Variants in ZDHHC4 observed in about 807,000 individuals in gnomAD.
ZDHHC4 encodes zDHHC palmitoyltransferase 4, also known as palmitoyltransferase ZDHHC4.
A neutral mutation model predicts 36.7 loss-of-function variants in ZDHHC4; 42 were observed. That is an observed-to-expected ratio of 1.14 (90% confidence interval 0.89 to 1.48). ZDHHC4 has a LOEUF of 1.48. ZDHHC4 is among the 40% of genes most tolerant of loss of function. The probability of loss-of-function intolerance (pLI) is 0.00; values close to 1 mark genes in which losing one functional copy is unlikely to be tolerated. For missense variants in ZDHHC4, 457 were observed against 421.5 expected (o/e 1.08, Z -0.74); for synonymous variants, 189 against 166.6 (o/e 1.13, Z -1.03).
Position 6,588,637 on chromosome 7 carries a change from A to T in ZDHHC4, c.762A>T (p.Pro254=). ...CCTAGTACCTGTTCCTGACTTTTCCACGGATTGTCTTCATGCTGGGCTTTG... is the reference window on the plus strand; with the variant it reads ...CCTAGTACCTGTTCCTGACTTTTCCTCGGATTGTCTTCATGCTGGGCTTTG... The part of the protein sequence containing the change: ...FLIQYLFLTF[P]RIVFMLGFVV... The change falls in exon 8 of 8, where the codon CCA becomes CCT. Residue 254 remains proline (P), a synonymous_variant. Transcript: ENST00000335965. 3 of 1,614,042 alleles carry T rather than the reference A, an allele frequency of 1.9e-6. No individual in the cohort carries two copies. Among genetic ancestry groups the T allele is most frequent in the Non-Finnish European group, 2.5e-6 (3 of 1,179,998 alleles).
In ZDHHC4 at chr7:6,589,253, G is replaced by C. The variant is rs1583399292; in HGVS notation, c.*343G>C. 3.6e-6 allele frequency: 1 copy of C among 276,654 alleles called. No homozygotes were observed. The highest frequency in any genetic ancestry group is 7.8e-5 in the East Asian group (1 of 12,852). The allele number at this position is 276,654 out of a possible 1,614,324, so 17.1% of individuals were successfully genotyped here. On this transcript the variant is annotated 3_prime_UTR_variant, in exon 8 of 8. Transcript: ENST00000335965. Reference sequence around the variant, plus strand: ...GTGTGATGTGCAGGAGGGTCTCATTGACTCAGCGCCTGCGCGTTGTGCCTG... The same window carrying C: ...GTGTGATGTGCAGGAGGGTCTCATTCACTCAGCGCCTGCGCGTTGTGCCTG...
At position 6,585,089 on chromosome 7, in the gene ZDHHC4, C is replaced by G; in HGVS notation, c.570C>G (p.Asn190Lys). 6.2e-7 allele frequency: 1 copy of G among 1,614,176 alleles called. No individual in the cohort carries two copies. Among genetic ancestry groups the G allele is most frequent in the Non-Finnish European group, 8.5e-7 (1 of 1,180,038 alleles). The change falls in exon 7 of 8, where the codon AAC (asparagine) becomes AAG (lysine). Residue 190 changes from asparagine to lysine, a missense_variant. Coordinates refer to ENST00000335965, the MANE Select transcript of ZDHHC4 (RefSeq NM_001134389.2). ...TGAACAACTGCATCGGGGCCTGGAA[C>G]ATCAGGTACTTCCTCATCTACGTCT... ...VWVNNCIGAWNIRYFLIYVLT... is the reference protein window; with the variant it reads ...VWVNNCIGAWKIRYFLIYVLT...
intron 7 of ZDHHC4, among the ~76,000 whole-genome samples, chr7:6,586,002 A>C (rs988046796): frequency 3.3e-5 from 5 of 152,058 alleles, no homozygotes; most frequent in Non-Finnish European, 7.4e-5. Flanking sequence ...AATACAAAAA[A>C]GTTAGCCAGG....
intron 7 of ZDHHC4, among the ~76,000 whole-genome samples, chr7:6,585,893 GTAA>G (rs1219634357): frequency 6.6e-5 from 10 of 151,842 alleles, no homozygotes; most frequent in African/African-American, 2.4e-4. Flanking sequence ...GCTCACAGCT[GTAA>G]TCCCAGCACT....
intron 6 of ZDHHC4, 183 bp downstream of exon 6, chr7:6,583,614 C>T: frequency 2.6e-6 from 2 of 783,156 alleles, no homozygotes; most frequent in South Asian, 2.1e-5. Context: ...TCTTGTGTTC[C>T]TGTGTAGTAG....
chr7:6,582,968 C>T (rs1402513147), intron 5 of ZDHHC4, among the ~76,000 whole-genome samples: 1 of 151,976 alleles, frequency 6.6e-6, no homozygotes, highest in Non-Finnish European at 1.5e-5. Flanking sequence ...GTCCGGAGTT[C>T]CAGACCAGCC....
In ZDHHC4 at chr7:6,582,748, C is replaced by G. The variant is rs529221392; in HGVS notation, c.370+497C>G. 3.9e-5 allele frequency among the ~76,000 whole-genome samples: 6 copies of G among 152,186 alleles called. No homozygotes were observed. The South Asian group carries it at 1.2e-3, about 32-fold the overall frequency. On this transcript the variant is annotated intron_variant, in intron 5 of 7. Coordinates refer to ENST00000335965, the MANE Select transcript of ZDHHC4 (RefSeq NM_001134389.2). ...GTCCAGGCTGGTCTCGAACTCCTGA[C>G]CTCGTGATCCACCCACCTCAGCCTC... is the stretch of plus-strand genomic sequence containing the variant.
rs979777702 is a variant in ZDHHC4 at position 6,585,197 on chromosome 7, C to A, written c.678C>A (p.Tyr226Ter). 2 of 1,614,148 alleles carry A rather than the reference C, an allele frequency of 1.2e-6. No homozygotes were observed. Among genetic ancestry groups the A allele is most frequent in the Non-Finnish European group, 8.5e-7 (1 of 1,180,026 alleles). Residue 226 changes from tyrosine (Y) to a stop codon, truncating the protein, a stop_gained, in exon 7 of 8, where the codon TAC (tyrosine) becomes TAA (stop). Coordinates refer to ENST00000335965, the MANE Select transcript of ZDHHC4 (RefSeq NM_001134389.2). LOFTEE classifies it high-confidence loss of function. ...ACTTGGTGGTGATGTCAGATTTATA[C>A]CAGGAGACTTACATCGATGACCTTG... Reference protein sequence around the residue: ...LVHLVVMSDLYQETYIDDLGH... With the variant: ...LVHLVVMSDL
Position 6,582,175 on chromosome 7 carries a change from G to C in ZDHHC4, c.294G>C (p.Leu98Phe), listed in dbSNP as rs748352823. The change falls in exon 5 of 8, where the codon TTG (leucine) becomes TTC (phenylalanine). Residue 98 changes from leucine to phenylalanine, a missense_variant. Leu to Phe is a conservative substitution (Grantham distance 22, BLOSUM62 0). Coordinates refer to ENST00000335965, the MANE Select transcript of ZDHHC4 (RefSeq NM_001134389.2). ...FGYCQELELS[L>F]HYLLLPYLLL... ...ACTGTCAGGAGCTGGAGTTGTCCTT[G>C]CATTACCTTCTTCTGCCCTATCTGC... 1.2e-6 allele frequency: 2 copies of C among 1,614,168 alleles called. No individual in the cohort carries two copies. The highest frequency in any genetic ancestry group is 1.7e-5 in the Admixed American group (1 of 60,004).
chr7:6,586,580 A>G (rs1464910718), intron 7 of ZDHHC4, among the ~76,000 whole-genome samples: 4 of 152,116 alleles, frequency 2.6e-5, no homozygotes, highest in East Asian at 1.9e-4. Flanking sequence ...GGTTCAAGCA[A>G]TTCTCCTGCC....
chr7:6,583,601 A>T, intron 6 of ZDHHC4, 170 bp downstream of exon 6: 2 of 913,300 alleles, frequency 2.2e-6, no homozygotes, highest in Non-Finnish European at 3.2e-6. Context: ...AGTGAGGGTC[A>T]GGTCTTGTGT....
At chr7:6,586,903 G>A (rs1350933852) in intron 7 of ZDHHC4, among the ~76,000 whole-genome samples, 1 of 152,124 alleles carries the variant, frequency 6.6e-6, no homozygotes. Flanking sequence ...TAATACTGCT[G>A]TGAACATTCA....
Position 6,588,941 on chromosome 7 carries a change from C to G in ZDHHC4, c.*31C>G. ...GTATGACTGCCTTTGAGCTGTAGTT[C>G]CCGTTTATTTACACATGTGGATCCT... On this transcript the variant is annotated 3_prime_UTR_variant, in exon 8 of 8. Coordinates refer to ENST00000335965, the MANE Select transcript of ZDHHC4 (RefSeq NM_001134389.2). The G allele has an allele frequency of 6.3e-7, 1 of 1,583,456 alleles. No individual in the cohort carries two copies. Among genetic ancestry groups the G allele is most frequent in the Non-Finnish European group, 8.6e-7 (1 of 1,158,078 alleles).
chr7:6,580,964 G>A lies in ZDHHC4; in HGVS notation c.117+286G>A, dbSNP rs1452634938. 5 of 391,226 alleles carry A rather than the reference G, an allele frequency of 1.3e-5. No individual in the cohort carries two copies. In the East Asian group the frequency reaches 2.1e-4, roughly 16 times the overall value. 24.2% of individuals were successfully genotyped at this position (391,226 alleles called of 1,614,324 possible). A position where few individuals can be genotyped will look rare whatever the true frequency, so the allele number is the denominator to read the frequency against. On this transcript the variant is annotated intron_variant, in intron 3 of 7. Transcript: ENST00000335965. The stretch of plus-strand genomic sequence containing the variant: ...TTAACATCATTGATGGATTTAGTTC[G>A]TTGATGGCAGTTGTGGGATATTCCA...
At chr7:6,584,516 C>T (rs184641509) in intron 6 of ZDHHC4, among the ~76,000 whole-genome samples, 1 of 152,122 alleles carries the variant, frequency 6.6e-6, no homozygotes, top group Admixed American at 6.6e-5. Context: ...CTATGTCTAT[C>T]CAAGTCAAGT....
Position 6,583,333 on chromosome 7 carries a change from T to TA in ZDHHC4, c.399dup (p.Phe134IlefsTer6), listed in dbSNP as rs1459570040. 1 of 1,613,780 alleles carries TA rather than the reference T, an allele frequency of 6.2e-7. No homozygotes were observed. The highest frequency in any genetic ancestry group is 8.5e-7 in the Non-Finnish European group (1 of 1,179,910). ...ATTATAACAAAAGCAAATGAATTAT[T>TA]ATTTCTTCATGTTTATGAATTTGAT... On this transcript the variant is annotated frameshift_variant, in exon 6 of 8. Transcript: ENST00000335965. LOFTEE classifies it high-confidence loss of function.
intron 7 of ZDHHC4, among the ~76,000 whole-genome samples, chr7:6,585,894 T>C (rs1303779952): frequency 6.6e-6 from 1 of 152,122 alleles, no homozygotes; most frequent in Non-Finnish European, 1.5e-5. Context: ...CTCACAGCTG[T>C]AATCCCAGCA....
intron 4 of ZDHHC4, 119 bp downstream of exon 4, chr7:6,581,799 G>A (rs1043469410): frequency 1.1e-5 from 10 of 889,384 alleles, no homozygotes; most frequent in Admixed American, 5.9e-5. Flanking sequence ...AAAGAAGGCC[G>A]GAAAGAATCA....
chr7:6,580,212 G>C (rs1002915235), intron 2 of ZDHHC4, among the ~76,000 whole-genome samples: 4 of 151,774 alleles, frequency 2.6e-5, no homozygotes, highest in African/African-American at 9.7e-5. Flanking sequence ...TGTTGCCCAG[G>C]CTGGTCTCGA....
Sources: gnomAD v4.1 joint callset for allele counts (sites outside exome capture counted in the v4.1 genomes callset) on GRCh38, gnomAD v4.1.1 for gene constraint, MANE v1.5 for transcripts, NCBI Gene and HGNC (gene_info 2026-07-23, HGNC 2026-07-21) for gene names.